Variants in LARGE1 observed in about 807,000 individuals in gnomAD.
LARGE1 encodes xylosyl- and glucuronyltransferase LARGE1.
Under a neutral mutation model 87.6 loss-of-function variants are expected in LARGE1, and 43 were observed. The ratio of observed to expected loss-of-function variants is 0.49; its 90% CI spans 0.38 to 0.63. The LOEUF (loss-of-function observed/expected upper bound fraction) is 0.63, where lower values mean the gene tolerates loss of function less well. Ranked by LOEUF, LARGE1 falls within the 30% of genes least tolerant of loss-of-function variation. LARGE1 has a pLI of 0.00. For synonymous variants in LARGE1, 434 were observed against 394.6 expected, an observed-to-expected ratio of 1.10 and a Z score of -1.18; for missense variants, 802 against 1,000.2, an observed-to-expected ratio of 0.80 and a Z score of 2.67.
At chr22:33,460,692 G>A (rs542097362) in intron 6 of LARGE1, among the ~76,000 whole-genome samples, 1 of 152,170 alleles carries the variant, frequency 6.6e-6, no homozygotes, top group East Asian at 1.9e-4. Flanking sequence ...GGTTTTAATG[G>A]GGCAAACACA....
intron 11 of LARGE1, among the ~76,000 whole-genome samples, chr22:33,210,596 C>T (rs1412674793): frequency 6.6e-6 from 1 of 152,264 alleles, no homozygotes; most frequent in Non-Finnish European, 1.5e-5. Flanking sequence ...GGTGGCTGTT[C>T]CCTGCCCTTA....
chr22:33,480,626 T>G (rs576552013), intron 6 of LARGE1, among the ~76,000 whole-genome samples: 5 of 152,312 alleles, frequency 3.3e-5, no homozygotes, highest in African/African-American at 7.2e-5. Flanking sequence ...TCCAATAACT[T>G]TGGATGCATT....
rs536333573 is a variant in LARGE1, at chr22:33,178,821, G to T, written c.1731-11989C>A. ...CTATAAACTGTTGGCATCCTCCCAT[G>T]TTTCCAGAATTATGATAAAATGTAT... On this transcript the variant is annotated intron_variant, in intron 11 of 11. Coordinates refer to the LARGE1 transcript ENST00000608642. Among the ~76,000 whole-genome samples the T allele has an allele frequency of 2.0e-5, 3 of 152,216 alleles. No homozygotes were observed. The East Asian group carries it at 5.8e-4, about 29-fold the overall frequency.
chr22:33,072,019 C>A, the LARGE1 span, among the ~76,000 whole-genome samples: 11,812 of 151,936 alleles, frequency 0.078, 676 homozygotes, highest in East Asian at 0.26. Context: ...TCCTTTATAG[C>A]CCAAACCCTG....
chr22:33,840,941 T>C (rs911269682), intron 1 of LARGE1, among the ~76,000 whole-genome samples: 18 of 152,202 alleles, frequency 1.2e-4, no homozygotes, highest in African/African-American at 7.2e-5. Context: ...AGCTTTATGA[T>C]GATGCAAAAG....
At chr22:33,128,988 TA>T in the LARGE1 span, among the ~76,000 whole-genome samples, 1 of 152,222 alleles carries the variant, frequency 6.6e-6, no homozygotes, top group Non-Finnish European at 1.5e-5. Flanking sequence ...CTGGGCTTAA[TA>T]ACTAGCTGAT....
intron 10 of LARGE1, among the ~76,000 whole-genome samples, chr22:33,318,387 T>C (rs1042496774): frequency 6.6e-6 from 1 of 152,214 alleles, no homozygotes; most frequent in Non-Finnish European, 1.5e-5. Flanking sequence ...TGCGATAGTT[T>C]GCTGAGAATG....
the LARGE1 span, among the ~76,000 whole-genome samples, chr22:33,068,509 G>T: frequency 2.6e-5 from 4 of 152,126 alleles, no homozygotes; most frequent in African/African-American, 9.7e-5. Context: ...GCTGGGTGTG[G>T]TGGCGGGCAC....
At chr22:33,774,509 A>C (rs1469618553) in intron 1 of LARGE1, among the ~76,000 whole-genome samples, 4 of 151,976 alleles carry the variant, frequency 2.6e-5, no homozygotes. Context: ...GGCACGTGCC[A>C]CCACACCCAG....
chr22:33,830,920 T>C (rs1364803487), intron 1 of LARGE1, among the ~76,000 whole-genome samples: 5 of 152,166 alleles, frequency 3.3e-5, no homozygotes, highest in Non-Finnish European at 7.3e-5. Flanking sequence ...ATCTCATTCA[T>C]GAGGGCTCTG....
At chr22:33,617,099 G>C (rs2079603097) in intron 4 of LARGE1, among the ~76,000 whole-genome samples, 1 of 152,204 alleles carries the variant, frequency 6.6e-6, no homozygotes, top group Non-Finnish European at 1.5e-5. Context: ...GCAGTAAATG[G>C]TGTGCCCATG....
chr22:33,260,039 C>A (rs1927537747), intron 11 of LARGE1, among the ~76,000 whole-genome samples: 1 of 152,198 alleles, frequency 6.6e-6, no homozygotes, highest in Non-Finnish European at 1.5e-5. Flanking sequence ...TTGCTATAAA[C>A]ATACCAGGTA....
chr22:33,100,840 AT>A, the LARGE1 span, among the ~76,000 whole-genome samples: 2,180 of 137,206 alleles, frequency 0.016, 44 homozygotes, highest in African/African-American at 0.045. Context: ...ATTAACTTCT[AT>A]TTTTTTTTTT....
At chr22:33,432,662 T>C (rs1357031863) in intron 6 of LARGE1, among the ~76,000 whole-genome samples, 1 of 152,150 alleles carries the variant, frequency 6.6e-6, no homozygotes, top group Non-Finnish European at 1.5e-5. Flanking sequence ...GCATACTATT[T>C]CTCAAGCATT....
At chr22:33,685,826 T>C (rs2081926774) in intron 2 of LARGE1, among the ~76,000 whole-genome samples, 1 of 152,194 alleles carries the variant, frequency 6.6e-6, no homozygotes, top group Non-Finnish European at 1.5e-5. Flanking sequence ...ACCATGACAC[T>C]ATAAAGCAAA....
At chr22:33,340,509 A>G (rs1277809606) in intron 9 of LARGE1, among the ~76,000 whole-genome samples, 1 of 151,832 alleles carries the variant, frequency 6.6e-6, no homozygotes, top group Non-Finnish European at 1.5e-5. Flanking sequence ...CCCTGGTCAT[A>G]TATGATCATA....
intron 9 of LARGE1, among the ~76,000 whole-genome samples, chr22:33,340,382 T>C (rs1939012194): frequency 6.6e-6 from 1 of 151,808 alleles, no homozygotes; most frequent in South Asian, 2.1e-4. Flanking sequence ...GAACCCTGAA[T>C]GATGGGTGGA....
At chr22:33,412,523 C>G (rs8141586) in intron 7 of LARGE1, among the ~76,000 whole-genome samples, 2 of 151,978 alleles carry the variant, frequency 1.3e-5, no homozygotes, top group East Asian at 3.8e-4. Context: ...ACATGGCAGA[C>G]GCAAACAACC....
At chr22:33,133,121 T>C in the LARGE1 span, among the ~76,000 whole-genome samples, 90 of 152,276 alleles carry the variant, frequency 5.9e-4, no homozygotes, top group Middle Eastern at 3.4e-3. Context: ...TTCAGGAGAT[T>C]ATGGAGAAAA....
Sources: gnomAD v4.1 joint callset for allele counts (sites outside exome capture counted in the v4.1 genomes callset) on GRCh38, gnomAD v4.1.1 for gene constraint, MANE v1.5 for transcripts, NCBI Gene and HGNC (gene_info 2026-07-23, HGNC 2026-07-21) for gene names.